Variants in KCNIP4 observed in about 807,000 individuals in gnomAD.
KCNIP4 encodes potassium voltage-gated channel interacting protein 4, also known as Kv channel-interacting protein 4.
KCNIP4 carries 12 observed loss-of-function variants against 34.0 expected under a neutral mutation model. The observed-to-expected ratio is 0.35, with a 90% CI of 0.23 to 0.57. KCNIP4 has a LOEUF of 0.57. Among genes scored for constraint, KCNIP4 ranks in the 20% least tolerant of loss-of-function variants. The pLI, the probability that KCNIP4 is intolerant of heterozygous loss-of-function variation, is 0.83. For synonymous variants in KCNIP4, 124 were observed against 102.2 expected (o/e 1.21, Z -1.29); for missense variants, 238 against 311.7 (o/e 0.76, Z 1.78).
chr4:21,885,411 A>C (rs1200475134), intron 1 of KCNIP4, among the ~76,000 whole-genome samples: 1 of 152,108 alleles, frequency 6.6e-6, no homozygotes, highest in Non-Finnish European at 1.5e-5. Flanking sequence ...TTATTGCAAA[A>C]TCCTAAAAAA....
At position 20,734,720 on chromosome 4, in the gene KCNIP4, G is replaced by C. The variant is rs374062415; in HGVS notation, c.445C>G (p.Leu149Val). The C allele has an allele frequency of 6.4e-7, 1 of 1,562,846 alleles. No individual in the cohort carries two copies. The highest frequency in any genetic ancestry group is 1.4e-5 in the African/African-American group (1 of 72,182). ...AVSFEDFIKG[L>V]SILLRGTVQE... Reference sequence around the variant, plus strand: ...ACTGTCCCCCGGAGCAAAATGGAAAGACCTTTGATGAAATCCTGAAAAGAA... The same window carrying C: ...ACTGTCCCCCGGAGCAAAATGGAAACACCTTTGATGAAATCCTGAAAAGAA... Residue 149 changes from leucine (L) to valine (V), a missense_variant, in exon 6 of 9, where the codon CTT (leucine) becomes GTT (valine). Transcript: ENST00000382152.
At chr4:20,904,312 T>G (rs548108856) in intron 1 of KCNIP4, among the ~76,000 whole-genome samples, 2 of 143,110 alleles carry the variant, frequency 1.4e-5, no homozygotes, top group South Asian at 4.3e-4. Context: ...TAAAACTATA[T>G]ATATGTATGT....
At chr4:21,883,926 A>C (rs930029690) in intron 1 of KCNIP4, among the ~76,000 whole-genome samples, 1 of 152,118 alleles carries the variant, frequency 6.6e-6, no homozygotes, top group Non-Finnish European at 1.5e-5. Context: ...AATAAGCTAC[A>C]CACACATTAA....
chr4:21,922,812 T>G (rs1013865626), intron 1 of KCNIP4, among the ~76,000 whole-genome samples: 1 of 152,202 alleles, frequency 6.6e-6, no homozygotes. Flanking sequence ...TTGAGCTCTA[T>G]AAGCTACAAG....
At chr4:21,629,450 C>T (rs9994077) in intron 1 of KCNIP4, among the ~76,000 whole-genome samples, 128,532 of 152,188 alleles carry the variant, frequency 0.84, 54,726 homozygotes, top group East Asian at 0.97. Flanking sequence ...CAGCTGTAGG[C>T]GCTTTCATGT....
intron 1 of KCNIP4, among the ~76,000 whole-genome samples, chr4:21,485,851 G>A (rs183177104): frequency 5.3e-5 from 8 of 152,226 alleles, no homozygotes; most frequent in Admixed American, 2.6e-4. Context: ...ACGAACGACC[G>A]TCATAAAGTA....
At chr4:21,835,838 A>G (rs1401552649) in intron 1 of KCNIP4, among the ~76,000 whole-genome samples, 1 of 152,220 alleles carries the variant, frequency 6.6e-6, no homozygotes, top group Non-Finnish European at 1.5e-5. Flanking sequence ...GATTCAATAC[A>G]GTTTAACACT....
chr4:21,213,312 A>AT (rs1015730484), intron 1 of KCNIP4, among the ~76,000 whole-genome samples: 3 of 151,032 alleles, frequency 2.0e-5, no homozygotes, highest in Non-Finnish European at 3.0e-5. Flanking sequence ...TGATTGATTG[A>AT]TTTTTTTGAG....
At chr4:21,872,599 A>G (rs943425450) in intron 1 of KCNIP4, among the ~76,000 whole-genome samples, 1 of 152,190 alleles carries the variant, frequency 6.6e-6, no homozygotes, top group Non-Finnish European at 1.5e-5. Context: ...GAAAAAGGAG[A>G]TGCAAAGACC....
chr4:21,488,732 C>G (rs1262893627), intron 1 of KCNIP4, among the ~76,000 whole-genome samples: 1 of 152,072 alleles, frequency 6.6e-6, no homozygotes, highest in African/African-American at 2.4e-5. Context: ...AATGAATCCA[C>G]ACCAGAGACA....
intron 1 of KCNIP4, among the ~76,000 whole-genome samples, chr4:21,022,174 ATT>A (rs1740133179): frequency 6.6e-6 from 1 of 152,166 alleles, no homozygotes; most frequent in African/African-American, 2.4e-5. Context: ...GTAAGTGTGT[ATT>A]TAAGCTGCTT....
intron 1 of KCNIP4, among the ~76,000 whole-genome samples, chr4:21,293,424 G>A (rs1259475749): frequency 1.3e-5 from 2 of 152,258 alleles, no homozygotes; most frequent in Middle Eastern, 3.4e-3. Context: ...CTGTAAGTCC[G>A]AGTTCAACTG....
intron 1 of KCNIP4, among the ~76,000 whole-genome samples, chr4:21,916,075 T>C (rs1728614640): frequency 6.6e-6 from 1 of 152,250 alleles, no homozygotes; most frequent in African/African-American, 2.4e-5. Flanking sequence ...CCTGCATCCA[T>C]ATGTTTGGGT....
intron 1 of KCNIP4, among the ~76,000 whole-genome samples, chr4:21,233,389 T>G (rs1050752299): frequency 6.6e-6 from 1 of 152,054 alleles, no homozygotes; most frequent in Admixed American, 6.6e-5. Context: ...ATCCATAGTA[T>G]TTTAATGTAA....
chr4:21,770,176 A>G (rs56340547), intron 1 of KCNIP4, among the ~76,000 whole-genome samples: 22,538 of 151,872 alleles, frequency 0.15, 5,622 homozygotes, highest in African/African-American at 0.51. Context: ...GTGTCCATGT[A>G]TTCTCAATGT....
intron 1 of KCNIP4, among the ~76,000 whole-genome samples, chr4:21,809,069 G>A (rs1224874462): frequency 6.6e-6 from 1 of 152,180 alleles, no homozygotes; most frequent in Admixed American, 6.5e-5. Flanking sequence ...TGGGCTGTGG[G>A]ATACCCAAAT....
chr4:21,619,157 T>TAG (rs1010295969), intron 1 of KCNIP4, among the ~76,000 whole-genome samples: 2 of 147,136 alleles, frequency 1.4e-5, no homozygotes, highest in African/African-American at 2.4e-5. Context: ...GCCTCCGACT[T>TAG]CCCTCCTTAA....
intron 1 of KCNIP4, among the ~76,000 whole-genome samples, chr4:21,738,078 C>T (rs967132031): frequency 3.4e-5 from 5 of 148,330 alleles, no homozygotes; most frequent in East Asian, 2.0e-4. Flanking sequence ...GGCGACAGAG[C>T]GAGACTCCAT....
At chr4:21,339,100 T>C (rs2109342586) in intron 1 of KCNIP4, among the ~76,000 whole-genome samples, 1 of 152,312 alleles carries the variant, frequency 6.6e-6, no homozygotes, top group South Asian at 2.1e-4. Context: ...GGATTGCTCT[T>C]AAATAGGCAA....
Sources: allele counts gnomAD v4.1 joint callset (sites outside exome capture counted in the v4.1 genomes callset), GRCh38; gene constraint gnomAD v4.1.1; transcripts MANE v1.5; gene names NCBI Gene and HGNC (gene_info 2026-07-23, HGNC 2026-07-21).